Variants in HMGB1 observed in about 807,000 individuals in gnomAD.
HMGB1 encodes high mobility group box 1.
For missense variants in HMGB1, 79 were observed against 253.5 expected, an observed-to-expected ratio of 0.31 and a Z score of 4.67; for synonymous variants, 81 against 84.0, an observed-to-expected ratio of 0.96 and a Z score of 0.19.
chr13:30,568,644 A>G (rs1190306646), intron 1 of HMGB1, among the ~76,000 whole-genome samples: 1 of 152,212 alleles, frequency 6.6e-6, no homozygotes, highest in Non-Finnish European at 1.5e-5. Context: ...TGAGACAGAC[A>G]CAGAGGGGAG....
chr13:30,538,498 C>CTTTCTTTCTTTCTTTCTTTT (rs1566018767), intron 1 of HMGB1, among the ~76,000 whole-genome samples: 1 of 15,798 alleles, frequency 6.3e-5, no homozygotes, highest in African/African-American at 1.0e-4. Flanking sequence ...TTCTTTCTTT[C>CTTTCTTTCTTTCTTTCTTTT]TTTCTTTCTT....
chr13:30,482,632 G>T (rs1040390317), intron 1 of HMGB1, among the ~76,000 whole-genome samples: 18 of 152,102 alleles, frequency 1.2e-4, no homozygotes, highest in Admixed American at 9.8e-4. Flanking sequence ...CACCTTCCAT[G>T]TCTGTCTCTT....
rs1368101417 is a variant in HMGB1 at position 30,538,623 on chromosome 13, C to CTTTCTT, written c.-14-74930_-14-74929insAAGAAA. On this transcript the variant is annotated intron_variant, in intron 1 of 4. Transcript: ENST00000405805. ...TTTTTCTTTCTTTCTCTTTCTCTCT[C>CTTTCTT]TCTTTCTTTTTCTTTCTTCCTTTCT... Among the ~76,000 whole-genome samples, 228 of 94,790 alleles carry CTTTCTT rather than the reference C, an allele frequency of 2.4e-3. 9 individuals carry two copies. The highest frequency in any genetic ancestry group is 0.012 in the African/African-American group (216 of 17,396). The allele number at this position is 94,790 out of a possible 152,430, so 62.2% of individuals were successfully genotyped here.
intron 1 of HMGB1, among the ~76,000 whole-genome samples, chr13:30,471,649 C>T (rs1886938926): frequency 7.9e-6 from 1 of 126,500 alleles, no homozygotes; most frequent in Admixed American, 8.9e-5. Flanking sequence ...GCCACCGTGC[C>T]CGGCCTTTTT....
At chr13:30,575,896 C>T (rs896398337) in intron 1 of HMGB1, among the ~76,000 whole-genome samples, 2 of 152,048 alleles carry the variant, frequency 1.3e-5, no homozygotes, top group African/African-American at 4.8e-5. Context: ...GAGTGAGACC[C>T]TGTCTCTAAA....
At chr13:30,600,969 G>C (rs530548095) in intron 1 of HMGB1, among the ~76,000 whole-genome samples, 2 of 152,286 alleles carry the variant, frequency 1.3e-5, no homozygotes, top group East Asian at 3.9e-4. Flanking sequence ...TATACATCCA[G>C]ATGGCCTGAA....
chr13:30,565,601 T>C (rs532493732), intron 1 of HMGB1, among the ~76,000 whole-genome samples: 5 of 152,334 alleles, frequency 3.3e-5, no homozygotes, highest in South Asian at 2.1e-4. Flanking sequence ...GCAAATCACC[T>C]GGAGATCTTG....
chr13:30,514,269 G>A (rs1283821412), intron 1 of HMGB1, among the ~76,000 whole-genome samples: 1 of 151,336 alleles, frequency 6.6e-6, no homozygotes, highest in Non-Finnish European at 1.5e-5. Flanking sequence ...CCCTAGTACT[G>A]AGCTGTACTG....
intron 1 of HMGB1, among the ~76,000 whole-genome samples, chr13:30,612,067 A>C (rs1180907050): frequency 2.0e-5 from 3 of 152,204 alleles, no homozygotes; most frequent in Admixed American, 2.0e-4. Flanking sequence ...GGCACTATAT[A>C]GATGATGGTG....
At chr13:30,563,512 G>C (rs574087105) in intron 1 of HMGB1, among the ~76,000 whole-genome samples, 1 of 152,272 alleles carries the variant, frequency 6.6e-6, no homozygotes, top group African/African-American at 2.4e-5. Context: ...AGGAAGCTGA[G>C]GTGGGAGGAT....
intron 1 of HMGB1, among the ~76,000 whole-genome samples, chr13:30,599,809 G>A (rs141224567): frequency 4.6e-5 from 7 of 152,176 alleles, no homozygotes; most frequent in African/African-American, 1.7e-4. Context: ...GTCACATTCC[G>A]AGTTCCAGGG....
At chr13:30,569,439 G>A (rs898230313) in intron 1 of HMGB1, among the ~76,000 whole-genome samples, 1 of 152,130 alleles carries the variant, frequency 6.6e-6, no homozygotes, top group Non-Finnish European at 1.5e-5. Context: ...AACAAGCCTA[G>A]TTCCTTTTTC....
intron 1 of HMGB1, among the ~76,000 whole-genome samples, chr13:30,616,157 T>C (rs1360333554): frequency 6.6e-6 from 1 of 152,220 alleles, no homozygotes; most frequent in Non-Finnish European, 1.5e-5. Context: ...TTCTTCCCTT[T>C]ATAAGTCTTG....
rs1291343407 is a variant in HMGB1, at chr13:30,538,554, TTTTTCTTTC to T, written c.-14-74869_-14-74861del. ...TTTCTTTCCTTTCTTTCTTTCTTTCTTTTTCTTTCTTCTTTTTCTTTCTTTCTTTCTTTT... is the reference window on the plus strand; with the variant it reads ...TTTCTTTCCTTTCTTTCTTTCTTTCTTTCTTTTTCTTTCTTTCTTTCTTTT... On this transcript the variant is annotated intron_variant, in intron 1 of 4. Coordinates refer to the HMGB1 transcript ENST00000405805. Among the ~76,000 whole-genome samples the T allele has an allele frequency of 1.9e-3, 179 of 96,686 alleles. 14 individuals are homozygous for T. Among genetic ancestry groups the T allele is most frequent in the Admixed American group, 7.2e-3 (72 of 10,038 alleles). The allele number at this position is 96,686 out of a possible 152,430, so 63.4% of individuals were successfully genotyped here.
intron 1 of HMGB1, among the ~76,000 whole-genome samples, chr13:30,471,818 A>G (rs1338323579): frequency 4.0e-5 from 6 of 150,006 alleles, no homozygotes; most frequent in Non-Finnish European, 8.9e-5. Flanking sequence ...ACAGGCACGC[A>G]CCACCACGCC....
chr13:30,465,698 C>A, intron 1 of HMGB1, 98 bp downstream of exon 1: 1 of 568,080 alleles, frequency 1.8e-6, no homozygotes, highest in Non-Finnish European at 2.2e-6. Flanking sequence ...TTGTGTGGAT[C>A]CTGACCCGCC....
At chr13:30,469,632 C>CTCTT (rs199997125), upstream of HMGB1, among the ~76,000 whole-genome samples, 3 of 60,430 alleles carry the variant, frequency 5.0e-5, no homozygotes, top group African/African-American at 9.9e-5. Flanking sequence ...CACGCCCGGC[C>CTCTT]TATTTATTTA....
intron 1 of HMGB1, among the ~76,000 whole-genome samples, chr13:30,500,202 C>T (rs7326847): frequency 0.48 from 72,810 of 151,922 alleles, 19,011 homozygotes; most frequent in Non-Finnish European, 0.57. Flanking sequence ...TAAGATGCAG[C>T]ACGAAAGCTT....
intron 1 of HMGB1, among the ~76,000 whole-genome samples, chr13:30,601,837 T>A (rs1362425008): frequency 3.3e-5 from 5 of 150,058 alleles, no homozygotes; most frequent in Non-Finnish European, 5.9e-5. Flanking sequence ...GTAGTGAAGT[T>A]GAAATGAATT....
Sources: allele counts gnomAD v4.1 joint callset (sites outside exome capture counted in the v4.1 genomes callset), GRCh38; gene constraint gnomAD v4.1.1; transcripts MANE v1.5; gene names NCBI Gene and HGNC (gene_info 2026-07-23, HGNC 2026-07-21).